PPP6R2: variants seen among roughly 807,000 people sequenced by gnomAD.
The protein encoded by PPP6R2 is serine/threonine-protein phosphatase 6 regulatory subunit 2.
A neutral mutation model predicts 100.2 loss-of-function variants in PPP6R2; 62 were observed. The observed-to-expected ratio is 0.62, with a 90% CI of 0.50 to 0.76. The LOEUF (loss-of-function observed/expected upper bound fraction) is 0.76. PPP6R2 is among the 30% of genes least tolerant of loss of function. PPP6R2 has a pLI of 0.00. For synonymous variants in PPP6R2, 525 were observed against 514.7 expected (o/e 1.02, Z -0.27); for missense variants, 1,142 against 1,276.3 (o/e 0.89, Z 1.60).
chr22:50,335,494 C>T, the PPP6R2 span, among the ~76,000 whole-genome samples: 1 of 150,984 alleles, frequency 6.6e-6, no homozygotes, highest in African/African-American at 2.4e-5. Context: ...CGCATCTGGC[C>T]CTTGTTTTTT....
At chr22:50,419,526 C>G in intron 8 of PPP6R2, 64 bp downstream of exon 8, 1 of 1,105,282 alleles carries the variant, frequency 9.0e-7, no homozygotes. Context: ...TGGCAGCCCA[C>G]ACGAGCAGTC....
intron 1 of PPP6R2, among the ~76,000 whole-genome samples, chr22:50,360,978 C>G (rs139185684): frequency 2.4e-4 from 37 of 152,342 alleles, no homozygotes; most frequent in Admixed American, 5.9e-4. Flanking sequence ...TGTGGACAGT[C>G]AGACCTTTAG....
intron 1 of PPP6R2, among the ~76,000 whole-genome samples, chr22:50,357,457 C>T (rs2046847587): frequency 6.7e-6 from 1 of 150,030 alleles, no homozygotes. Context: ...TCTTTCCCTA[C>T]CTCCCTTCCT....
chr22:50,427,723 T>C (rs577428846), intron 10 of PPP6R2, among the ~76,000 whole-genome samples: 16 of 142,898 alleles, frequency 1.1e-4, no homozygotes, highest in African/African-American at 3.7e-4. Flanking sequence ...ATAATTTTTG[T>C]TTTGTTTTGT....
At chr22:50,332,541 A>T in the PPP6R2 span, among the ~76,000 whole-genome samples, 1 of 149,774 alleles carries the variant, frequency 6.7e-6, no homozygotes, top group African/African-American at 2.5e-5. Flanking sequence ...CTTCTAGAAG[A>T]TTTTTAGCTC....
intron 1 of PPP6R2, among the ~76,000 whole-genome samples, chr22:50,370,434 CCTG>C (rs2049826282): frequency 6.6e-6 from 1 of 151,236 alleles, no homozygotes; most frequent in Non-Finnish European, 1.5e-5. Context: ...ATTACAGGCG[CCTG>C]CCACCACGCC....
chr22:50,425,983 A>T (rs879256626), intron 10 of PPP6R2, among the ~76,000 whole-genome samples: 8 of 151,710 alleles, frequency 5.3e-5, no homozygotes, highest in South Asian at 2.1e-4. Flanking sequence ...TACATAAAAA[A>T]TTTTTTTTAG....
At chr22:50,390,859 C>T (rs1244342257) in intron 2 of PPP6R2, among the ~76,000 whole-genome samples, 1 of 150,686 alleles carries the variant, frequency 6.6e-6, no homozygotes, top group African/African-American at 2.4e-5. Flanking sequence ...ATTAGCTGGG[C>T]GTGGTGGCAC....
intron 5 of PPP6R2, among the ~76,000 whole-genome samples, chr22:50,414,993 G>A (rs919482253): frequency 1.3e-5 from 2 of 152,212 alleles, no homozygotes; most frequent in African/African-American, 2.4e-5. Context: ...CCCTGCCAGC[G>A]CCCACCCCTG....
intron 3 of PPP6R2, among the ~76,000 whole-genome samples, chr22:50,399,106 G>A (rs1272105166): frequency 6.6e-6 from 1 of 152,132 alleles, no homozygotes; most frequent in East Asian, 1.9e-4. Flanking sequence ...AATTAGCCAG[G>A]CGTGGTGGCC....
chr22:50,353,696 A>G (rs2148142001), intron 1 of PPP6R2, among the ~76,000 whole-genome samples: 1 of 152,258 alleles, frequency 6.6e-6, no homozygotes, highest in Admixed American at 6.5e-5. Flanking sequence ...GAAGGGAAGC[A>G]CGTTAGACAA....
At chr22:50,333,362 A>T in the PPP6R2 span, among the ~76,000 whole-genome samples, 1 of 142,916 alleles carries the variant, frequency 7.0e-6, no homozygotes, top group African/African-American at 2.6e-5. Flanking sequence ...TTTGAGACGG[A>T]GTCTCGCTCT....
Position 50,414,331 on chromosome 22 carries a change from G to GCCCCCCCCCCCCCCCCCCCC in PPP6R2, c.415-202_415-201insCCCCCCCCCCCCCCCCCCCC, listed in dbSNP as rs57634612. Among the ~76,000 whole-genome samples the GCCCCCCCCCCCCCCCCCCCC allele has an allele frequency of 2.2e-3, 59 of 26,796 alleles. 2 individuals carry two copies. Among genetic ancestry groups the GCCCCCCCCCCCCCCCCCCCC allele is most frequent in the Non-Finnish European group, 4.0e-3 (36 of 9,026 alleles). 17.6% of individuals were successfully genotyped at this position (26,796 alleles called of 152,430 possible). ...GAGCCACAGGGGTCCCTGTGCAGTG[G>GCCCCCCCCCCCCCCCCCCCC]CCCCCCCCCCCCCCCCCCCGCCCAG... On this transcript the variant is annotated intron_variant, in intron 4 of 23. Transcript: ENST00000612753.
rs982955529 is a variant in PPP6R2, at chr22:50,437,662, C to T, written c.1781+59C>T. 41 of 1,457,864 alleles carry T rather than the reference C, an allele frequency of 2.8e-5. No homozygotes were observed. The Admixed American group carries it at 3.4e-4, about 12-fold the overall frequency. 90.3% of individuals were successfully genotyped at this position (1,457,864 alleles called of 1,614,324 possible). On this transcript the variant is annotated intron_variant, in intron 16 of 23. Coordinates refer to ENST00000612753, the MANE Select transcript of PPP6R2 (RefSeq NM_001242898.2). Reference sequence around the variant, plus strand: ...GCGGCTCTCCCTGCTGCTGAGCTCCCGTGGAGGCAGCTCCCTGAGGTCTTG... The same window carrying T: ...GCGGCTCTCCCTGCTGCTGAGCTCCTGTGGAGGCAGCTCCCTGAGGTCTTG...
intron 9 of PPP6R2, 142 bp downstream of exon 9, chr22:50,422,522 AC>A (rs2061474307): frequency 6.0e-6 from 7 of 1,163,072 alleles, no homozygotes; most frequent in Admixed American, 5.7e-5. Context: ...CCACACCCCC[AC>A]TTGAGAAGCA....
intron 1 of PPP6R2, among the ~76,000 whole-genome samples, chr22:50,351,789 A>G (rs2045333412): frequency 6.6e-6 from 1 of 150,490 alleles, no homozygotes; most frequent in African/African-American, 2.4e-5. Flanking sequence ...AGCCGCCGCC[A>G]TACCCAGCTA....
intron 1 of PPP6R2, among the ~76,000 whole-genome samples, chr22:50,357,001 C>G (rs754756673): frequency 2.6e-5 from 4 of 152,034 alleles, no homozygotes; most frequent in Non-Finnish European, 5.9e-5. Context: ...TACACTCCTA[C>G]TAGTAATGGG....
chr22:50,436,389 C>A lies in PPP6R2; in HGVS notation c.1539C>A (p.Gly513=). The A allele has an allele frequency of 6.3e-7, 1 of 1,585,822 alleles. No homozygotes were observed. The highest frequency in any genetic ancestry group is 8.6e-7 in the Non-Finnish European group (1 of 1,167,356). ...CAGGGCTCCCTGCGGACTGCCGTGG[C>A]CGCTGGGAGAGCTTCGTGGAGGAGA... ...VIRGLPADCR[G]RWESFVEETL... The change falls in exon 14 of 24, where the codon GGC becomes GGA. Residue 513 remains glycine, a synonymous_variant. Transcript: ENST00000612753.
chr22:50,369,594 A>G (rs2049539527), intron 1 of PPP6R2, among the ~76,000 whole-genome samples: 1 of 151,910 alleles, frequency 6.6e-6, no homozygotes, highest in African/African-American at 2.4e-5. Context: ...GCTCACTGCA[A>G]CCTCTGCCTC....
Sources: allele counts gnomAD v4.1 joint callset (sites outside exome capture counted in the v4.1 genomes callset), GRCh38; gene constraint gnomAD v4.1.1; transcripts MANE v1.5; gene names NCBI Gene and HGNC (gene_info 2026-07-23, HGNC 2026-07-21).